The following CNKSR2 variants were observed in gnomAD, a reference collection of about 807,000 sequenced individuals.
CNKSR2 encodes the protein connector enhancer of kinase suppressor of Ras 2.
Under a neutral mutation model 84.4 loss-of-function variants are expected in CNKSR2, and 14 were observed. The ratio of observed to expected loss-of-function variants is 0.17; its 90% CI spans 0.11 to 0.26. The LOEUF (loss-of-function observed/expected upper bound fraction) is 0.26, where lower values mean the gene tolerates loss of function less well. CNKSR2 is among the 10% of genes least tolerant of loss of function. CNKSR2 has a pLI of 1.00. For missense variants in CNKSR2, 485 were observed against 771.2 expected (o/e 0.63, Z 4.40); for synonymous variants, 275 against 277.9 (o/e 0.99, Z 0.10).
At chrX:21,418,541 A>G (rs2090453073) in intron 1 of CNKSR2, among the ~76,000 whole-genome samples, 1 of 111,664 alleles carries the variant, frequency 9.0e-6, no homozygotes, top group Admixed American at 9.5e-5. Flanking sequence ...CTCATGTTTG[A>G]AGAATATTTT....
chrX:21,415,831 T>TACACACACACACAC (rs1186167941), intron 1 of CNKSR2, among the ~76,000 whole-genome samples: 1 of 52,389 alleles, frequency 1.9e-5, no homozygotes, highest in African/African-American at 8.2e-5. Flanking sequence ...TATATACATA[T>TACACACACACACAC]ATACACACAC....
At chrX:21,489,085 T>C (rs1183636615) in intron 5 of CNKSR2, among the ~76,000 whole-genome samples, 24 of 111,673 alleles carry the variant, frequency 2.1e-4, no homozygotes, top group Non-Finnish European at 5.7e-5. Flanking sequence ...CTTTTGTCTG[T>C]TATCTACTTC....
intron 5 of CNKSR2, among the ~76,000 whole-genome samples, chrX:21,474,962 T>A (rs1407805298): frequency 8.9e-6 from 1 of 112,308 alleles, no homozygotes; most frequent in Admixed American, 9.4e-5. Context: ...AACTTTAAAT[T>A]ATGTGTTTGT....
chrX:21,504,177 CTTA>C (rs2091588547), intron 8 of CNKSR2: 1 of 110,706 alleles, frequency 9.0e-6, no homozygotes, highest in Admixed American at 9.7e-5. Flanking sequence ...CATTTAATCT[CTTA>C]TTAGATAATA....
intron 18 of CNKSR2, among the ~76,000 whole-genome samples, chrX:21,605,924 G>GT (rs2092513929): frequency 9.0e-6 from 1 of 111,581 alleles, no homozygotes; most frequent in African/African-American, 3.3e-5. Flanking sequence ...AATACTTCAG[G>GT]TTTTTTCTTG....
At position 21,458,697 on chromosome X, in the gene CNKSR2, C is replaced by A. The variant is rs1471575012; in HGVS notation, c.520-12069C>A. ...TGGGGGTTTGTTGTATAGATTATTT[C>A]GTCACCCGGGTATTAAGCCTAGTAC... is the stretch of plus-strand genomic sequence containing the variant. On this transcript the variant is annotated intron_variant, in intron 4 of 21. Coordinates refer to ENST00000379510, the MANE Select transcript of CNKSR2 (RefSeq NM_014927.5). Among the ~76,000 whole-genome samples, 5 of 111,085 alleles carry A rather than the reference C, an allele frequency of 4.5e-5. No individual in the cohort carries two copies. In the East Asian group the frequency reaches 1.4e-3, roughly 32 times the overall value.
intron 8 of CNKSR2, among the ~76,000 whole-genome samples, chrX:21,512,975 G>A (rs778991409): frequency 8.9e-6 from 1 of 111,863 alleles, no homozygotes; most frequent in Non-Finnish European, 1.9e-5. Flanking sequence ...TTCTACACAC[G>A]TAAATTGGGT....
chrX:21,397,669 T>A (rs1178854345), intron 1 of CNKSR2, among the ~76,000 whole-genome samples: 2 of 111,100 alleles, frequency 1.8e-5, no homozygotes, highest in African/African-American at 6.5e-5. Context: ...AGGAATAAGT[T>A]CTAGTTTTCT....
At chrX:21,622,761 G>A (rs963310046) in intron 20 of CNKSR2, among the ~76,000 whole-genome samples, 1 of 111,511 alleles carries the variant, frequency 9.0e-6, no homozygotes, top group Non-Finnish European at 1.9e-5. Flanking sequence ...TTACTTACAT[G>A]TATTGATCTC....
chrX:21,572,669 G>A (rs2092291922), intron 13 of CNKSR2, among the ~76,000 whole-genome samples: 1 of 111,267 alleles, frequency 9.0e-6, no homozygotes, highest in Non-Finnish European at 1.9e-5. Flanking sequence ...AAAGCCATCA[G>A]CTCTCATGAT....
intron 1 of CNKSR2, among the ~76,000 whole-genome samples, chrX:21,401,654 G>T (rs1340485695): frequency 8.9e-6 from 1 of 111,849 alleles, no homozygotes; most frequent in East Asian, 2.8e-4. Flanking sequence ...CTATCTTTTG[G>T]TTAATTTCAT....
chrX:21,435,792 A>G (rs1305115464), intron 3 of CNKSR2, among the ~76,000 whole-genome samples: 2 of 111,829 alleles, frequency 1.8e-5, no homozygotes, highest in Admixed American at 9.5e-5. Context: ...TTATTATTAA[A>G]CAAAGTTTAT....
chrX:21,450,394 A>G (rs991460095), intron 4 of CNKSR2, among the ~76,000 whole-genome samples: 6 of 111,292 alleles, frequency 5.4e-5, no homozygotes, highest in African/African-American at 2.0e-4. Flanking sequence ...TATTTTTTGC[A>G]TACGCGGACA....
chrX:21,450,450 T>G, intron 4 of CNKSR2, among the ~76,000 whole-genome samples: 1 of 111,497 alleles, frequency 9.0e-6, no homozygotes, highest in South Asian at 3.7e-4. Context: ...TGAAAAGAAA[T>G]GATTCCATTT....
intron 11 of CNKSR2, among the ~76,000 whole-genome samples, chrX:21,539,596 A>G (rs2147138267): frequency 9.0e-6 from 1 of 110,672 alleles, no homozygotes; most frequent in African/African-American, 3.3e-5. Context: ...CCTTACATTG[A>G]TATCTGTGCA....
chrX:21,428,948 G>A (rs975326022), intron 2 of CNKSR2: 1 of 111,692 alleles, frequency 9.0e-6, no homozygotes, highest in African/African-American at 3.2e-5. Context: ...GGTGCTACAC[G>A]ATGCATTCAA....
chrX:21,585,304 A>G (rs1457108074), intron 13 of CNKSR2, among the ~76,000 whole-genome samples: 1 of 105,899 alleles, frequency 9.4e-6, no homozygotes, highest in African/African-American at 3.4e-5. Flanking sequence ...TTCATAATAT[A>G]TATAGTATAA....
At chrX:21,409,469 C>T (rs1469550336) in intron 1 of CNKSR2, among the ~76,000 whole-genome samples, 2 of 107,733 alleles carry the variant, frequency 1.9e-5, no homozygotes, top group Non-Finnish European at 3.9e-5. Context: ...GTGATTACAA[C>T]TGACATCTTC....
chrX:21,595,073 G>A, intron 16 of CNKSR2, 26 bp downstream of exon 16: 1 of 1,084,062 alleles, frequency 9.2e-7, no homozygotes, highest in African/African-American at 1.8e-5. Context: ...TTGGGAAGAG[G>A]GAACGATAGT....
Sources: gnomAD v4.1 joint callset for allele counts (sites outside exome capture counted in the v4.1 genomes callset) on GRCh38, gnomAD v4.1.1 for gene constraint, MANE v1.5 for transcripts, NCBI Gene and HGNC (gene_info 2026-07-23, HGNC 2026-07-21) for gene names.